PDE1A: variants seen among roughly 807,000 people sequenced by gnomAD.
PDE1A encodes dual specificity calcium/calmodulin-dependent 3',5'-cyclic nucleotide phosphodiesterase 1A.
PDE1A carries 35 observed loss-of-function variants against 61.7 expected under a neutral mutation model. That is an observed-to-expected ratio of 0.57 (90% CI 0.43 to 0.75). The LOEUF (loss-of-function observed/expected upper bound fraction) is 0.75. PDE1A is among the 30% of genes least tolerant of loss of function. The pLI, the probability that PDE1A is intolerant of heterozygous loss-of-function variation, is 0.00. For synonymous variants in PDE1A, 232 were observed against 213.2 expected (o/e 1.09, Z -0.77); for missense variants, 597 against 630.6 (o/e 0.95, Z 0.57).
chr2:182,643,898 TATTA>T, the PDE1A span, among the ~76,000 whole-genome samples: 2 of 152,102 alleles, frequency 1.3e-5, no homozygotes, highest in African/African-American at 4.8e-5. Context: ...GTGGATGGCT[TATTA>T]ATTAGGCCAG....
chr2:182,256,038 C>CTTTTTTTTTTTTTTT (rs755211798), intron 2 of PDE1A, among the ~76,000 whole-genome samples: 5 of 92,334 alleles, frequency 5.4e-5, no homozygotes, highest in African/African-American at 1.7e-4. Context: ...AGGATGACTT[C>CTTTTTTTTTTTTTTT]TTTTTTTTTT....
the PDE1A span, among the ~76,000 whole-genome samples, chr2:182,655,724 TG>T: frequency 1.3e-5 from 2 of 152,094 alleles, no homozygotes; most frequent in African/African-American, 4.8e-5. Flanking sequence ...AGCCAGTAGG[TG>T]GGGGTCACCT....
At chr2:182,177,196 C>A (rs987256488) in intron 13 of PDE1A, among the ~76,000 whole-genome samples, 1 of 151,930 alleles carries the variant, frequency 6.6e-6, no homozygotes, top group Admixed American at 6.6e-5. Flanking sequence ...TGATGCTGGC[C>A]TCATAAAATG....
chr2:182,582,383 T>G, the PDE1A span, among the ~76,000 whole-genome samples: 1 of 152,196 alleles, frequency 6.6e-6, no homozygotes, highest in African/African-American at 2.4e-5. Context: ...GTCATTAAGA[T>G]GTAGTCTCTG....
chr2:182,206,790 TAGTG>T (rs1278054341), intron 7 of PDE1A, among the ~76,000 whole-genome samples: 6 of 152,164 alleles, frequency 3.9e-5, no homozygotes, highest in African/African-American at 1.4e-4. Context: ...GTTCTTGTGA[TAGTG>T]AGTTAGTTCT....
At chr2:182,220,163 T>G (rs1688599374) in intron 7 of PDE1A, among the ~76,000 whole-genome samples, 1 of 152,052 alleles carries the variant, frequency 6.6e-6, no homozygotes, top group African/African-American at 2.4e-5. Flanking sequence ...TAATCTTAGT[T>G]AAGGCCTAAA....
rs117903120 is a variant in PDE1A at position 182,494,447 on chromosome 2, C to A, written c.101+27829G>T. Among the ~76,000 whole-genome samples the A allele has an allele frequency of 4.8e-4, 73 of 152,226 alleles. 2 individuals carry two copies. The East Asian group carries it at 0.013, about 28-fold the overall frequency. On this transcript the variant is annotated intron_variant, in intron 2 of 14. Transcript: ENST00000410103. The stretch of plus-strand genomic sequence containing the variant: ...CCACCATCCCTTAGCCCAGATAATA[C>A]AAATGGCGAGCCCACAGTTTTGGCT...
chr2:182,432,180 A>G (rs1432618008), intron 2 of PDE1A, among the ~76,000 whole-genome samples: 1 of 152,106 alleles, frequency 6.6e-6, no homozygotes, highest in Non-Finnish European at 1.5e-5. Flanking sequence ...ATGACCTCTA[A>G]GATCCTTTCC....
the PDE1A span, among the ~76,000 whole-genome samples, chr2:182,651,972 T>A: frequency 6.6e-6 from 1 of 152,200 alleles, no homozygotes. Flanking sequence ...GGATCCAACA[T>A]ACTTAGCTCT....
At chr2:182,149,381 C>A (rs1050390475) in intron 13 of PDE1A, among the ~76,000 whole-genome samples, 8 of 152,096 alleles carry the variant, frequency 5.3e-5, no homozygotes, top group African/African-American at 1.9e-4. Context: ...AACAAATCCC[C>A]AAATGATACA....
At position 182,376,334 on chromosome 2, in the gene PDE1A, C is replaced by T. The variant is rs142473542; in HGVS notation, c.53+50244G>A. 1.4e-4 allele frequency among the ~76,000 whole-genome samples: 22 copies of T among 152,236 alleles called. No individual in the cohort carries two copies. The East Asian group carries it at 4.1e-3, about 28-fold the overall frequency. ...CTTTGCTGCTTAGAAATTTCTTCTG[C>T]CAGATTCCCTACATCATCTCTCTCA... On this transcript the variant is annotated intron_variant, in intron 1 of 13. Coordinates refer to ENST00000351439, the Ensembl canonical transcript of PDE1A.
the PDE1A span, among the ~76,000 whole-genome samples, chr2:182,594,124 C>A: frequency 2.0e-5 from 3 of 152,108 alleles, no homozygotes; most frequent in Admixed American, 6.6e-5. Flanking sequence ...GAGATTAATT[C>A]TTTTCAAAGC....
the PDE1A span, among the ~76,000 whole-genome samples, chr2:182,689,547 A>G: frequency 6.6e-6 from 1 of 152,348 alleles, no homozygotes; most frequent in Admixed American, 6.5e-5. Context: ...AGGGAAATTT[A>G]TAGCGCTAAA....
chr2:182,514,424 A>C (rs6758298), intron 2 of PDE1A, among the ~76,000 whole-genome samples: 54,473 of 152,072 alleles, frequency 0.36, 10,200 homozygotes, highest in Middle Eastern at 0.44. Flanking sequence ...ACCCAGCTTC[A>C]AACTATAGTA....
chr2:182,553,293 G>C, the PDE1A span, among the ~76,000 whole-genome samples: 1 of 152,152 alleles, frequency 6.6e-6, no homozygotes, highest in African/African-American at 2.4e-5. Context: ...CTGTGAGCAA[G>C]GACCCCCCAG....
At chr2:182,560,036 A>C in the PDE1A span, among the ~76,000 whole-genome samples, 7,756 of 151,272 alleles carry the variant, frequency 0.051, 249 homozygotes, top group Middle Eastern at 0.097. Flanking sequence ...TTGGTGGCAG[A>C]GGGATGGATG....
chr2:182,530,507 A>G, the PDE1A span, among the ~76,000 whole-genome samples: 2 of 151,076 alleles, frequency 1.3e-5, no homozygotes, highest in Non-Finnish European at 3.0e-5. Flanking sequence ...ACTAAAGATG[A>G]GGAAAAAATC....
chr2:182,433,177 G>A (rs1253971113), intron 2 of PDE1A, among the ~76,000 whole-genome samples: 2 of 151,996 alleles, frequency 1.3e-5, no homozygotes, highest in South Asian at 2.1e-4. Flanking sequence ...ATCCCACACA[G>A]GCACTGAGGA....
At chr2:182,280,723 T>A (rs1185167295) in intron 1 of PDE1A, among the ~76,000 whole-genome samples, 1 of 151,864 alleles carries the variant, frequency 6.6e-6, no homozygotes, top group Non-Finnish European at 1.5e-5. Context: ...TCCTCTTTGA[T>A]TTTGTGGGTT....
Sources: allele counts gnomAD v4.1 joint callset (sites outside exome capture counted in the v4.1 genomes callset), GRCh38; gene constraint gnomAD v4.1.1; transcripts MANE v1.5; gene names NCBI Gene and HGNC (gene_info 2026-07-23, HGNC 2026-07-21).